The following C12orf75 variants were observed in gnomAD, a reference collection of about 807,000 sequenced individuals.
The protein encoded by C12orf75 is overexpressed in colon carcinoma 1 protein.
A neutral mutation model predicts 11.4 loss-of-function variants in C12orf75; 4 were observed. That is an observed-to-expected ratio of 0.35 (90% CI 0.17 to 0.80). The LOEUF (loss-of-function observed/expected upper bound fraction) is 0.80. C12orf75 is among the 30% of genes least tolerant of loss of function. The pLI, the probability that C12orf75 is intolerant of heterozygous loss-of-function variation, is 0.52. For synonymous variants in C12orf75, 30 were observed against 30.0 expected (o/e 1.00, Z 0.00); for missense variants, 89 against 80.4 (o/e 1.11, Z -0.41).
chr12:105,339,081 C>T (rs1892533517), intron 1 of C12orf75, among the ~76,000 whole-genome samples: 1 of 152,030 alleles, frequency 6.6e-6, no homozygotes, highest in Non-Finnish European at 1.5e-5. Context: ...TTTTATTGCA[C>T]TCTGAAAAAT....
chr12:105,339,828 G>A (rs972673860), intron 1 of C12orf75, among the ~76,000 whole-genome samples: 13 of 151,834 alleles, frequency 8.6e-5, no homozygotes, highest in Non-Finnish European at 1.5e-4. Flanking sequence ...GTGTTAGCTA[G>A]CTAGGATGGT....
At chr12:105,347,589 G>T (rs1892655616) in intron 1 of C12orf75, among the ~76,000 whole-genome samples, 1 of 152,186 alleles carries the variant, frequency 6.6e-6, no homozygotes, top group African/African-American at 2.4e-5. Flanking sequence ...ACCTTCTTCT[G>T]CCTGCTTTAT....
chr12:105,346,915 G>A (rs1331501610), intron 1 of C12orf75, among the ~76,000 whole-genome samples: 1 of 152,176 alleles, frequency 6.6e-6, no homozygotes, highest in Non-Finnish European at 1.5e-5. Context: ...TATTAAGTGT[G>A]ACGTCTAATA....
intron 1 of C12orf75, among the ~76,000 whole-genome samples, chr12:105,347,096 A>G (rs1892650290): frequency 6.6e-6 from 1 of 152,240 alleles, no homozygotes; most frequent in Admixed American, 6.5e-5. Flanking sequence ...TTAATACCAT[A>G]TATCTTGTAG....
intron 1 of C12orf75, among the ~76,000 whole-genome samples, chr12:105,335,625 C>A (rs978976022): frequency 6.6e-6 from 1 of 151,978 alleles, no homozygotes; most frequent in Non-Finnish European, 1.5e-5. Flanking sequence ...ATTTTGTTTA[C>A]GGCTGTATCC....
intron 1 of C12orf75, among the ~76,000 whole-genome samples, chr12:105,343,897 T>C (rs1047425151): frequency 6.6e-6 from 1 of 152,144 alleles, no homozygotes; most frequent in Non-Finnish European, 1.5e-5. Context: ...TCTTGGAGTG[T>C]TTCTGACTTC....
At chr12:105,331,674 T>G (rs562338212) in intron 1 of C12orf75, among the ~76,000 whole-genome samples, 64 of 152,092 alleles carry the variant, frequency 4.2e-4, no homozygotes, top group Non-Finnish European at 8.4e-4. Flanking sequence ...AGGCAAGGTC[T>G]TCTAGCTTCC....
intron 1 of C12orf75, among the ~76,000 whole-genome samples, chr12:105,344,477 T>C (rs977324744): frequency 6.6e-6 from 1 of 152,172 alleles, no homozygotes; most frequent in African/African-American, 2.4e-5. Flanking sequence ...GTGTAGTGGC[T>C]CACATCTGTA....
chr12:105,366,768 T>C, intron 4 of C12orf75, 72 bp downstream of exon 4: 1 of 918,710 alleles, frequency 1.1e-6, no homozygotes, highest in Middle Eastern at 2.1e-4. Context: ...GCATGAAATT[T>C]ATATTTCAGC....
chr12:105,359,595 A>AC (rs1176840883), intron 2 of C12orf75, among the ~76,000 whole-genome samples: 3 of 151,800 alleles, frequency 2.0e-5, no homozygotes, highest in East Asian at 1.9e-4. Flanking sequence ...ACATGGTGAG[A>AC]CCCCGTCTGT....
intron 4 of C12orf75, 53 bp from the exon 5 acceptor site, chr12:105,367,419 G>A (rs1592886443): frequency 1.6e-6 from 1 of 644,392 alleles, no homozygotes; most frequent in East Asian, 3.1e-5. Context: ...TAGAAAATTA[G>A]AATATGCTAT....
chr12:105,358,917 G>A (rs960445119), intron 2 of C12orf75, among the ~76,000 whole-genome samples: 5 of 152,132 alleles, frequency 3.3e-5, no homozygotes, highest in African/African-American at 9.7e-5. Context: ...GCTGTAAAGC[G>A]GATGATGTTT....
chr12:105,362,749 T>C (rs1892890426), intron 2 of C12orf75, among the ~76,000 whole-genome samples: 1 of 151,774 alleles, frequency 6.6e-6, no homozygotes, highest in Non-Finnish European at 1.5e-5. Flanking sequence ...GGGCCTACAG[T>C]GTATGAAGCA....
intron 2 of C12orf75, among the ~76,000 whole-genome samples, chr12:105,357,727 T>G (rs1404028687): frequency 1.3e-5 from 2 of 151,862 alleles, no homozygotes; most frequent in Non-Finnish European, 2.9e-5. Flanking sequence ...AAGCTACATT[T>G]TTTTGCTAAC....
intron 2 of C12orf75, among the ~76,000 whole-genome samples, chr12:105,356,303 A>T (rs1173995462): frequency 6.6e-6 from 1 of 152,170 alleles, no homozygotes; most frequent in Non-Finnish European, 1.5e-5. Flanking sequence ...GAAGGTTATC[A>T]TGAATGGTAA....
chr12:105,340,173 C>A (rs898173876), intron 1 of C12orf75, among the ~76,000 whole-genome samples: 2 of 151,960 alleles, frequency 1.3e-5, no homozygotes, highest in African/African-American at 4.8e-5. Context: ...CGCCTGTAAT[C>A]CCAGCACTTT....
At chr12:105,347,338 A>C (rs1253069315) in intron 1 of C12orf75, among the ~76,000 whole-genome samples, 1 of 152,240 alleles carries the variant, frequency 6.6e-6, no homozygotes, top group Non-Finnish European at 1.5e-5. Flanking sequence ...GAAGTTTCAC[A>C]ATAGGCCGTC....
At chr12:105,331,341 C>T (rs1053892297) in intron 1 of C12orf75, among the ~76,000 whole-genome samples, 1 of 151,982 alleles carries the variant, frequency 6.6e-6, no homozygotes, top group African/African-American at 2.4e-5. Flanking sequence ...AGGCGCTGCA[C>T]CTGGAAAAGT....
At chr12:105,369,755 C>A (rs1489391491) in intron 5 of C12orf75, among the ~76,000 whole-genome samples, 1 of 152,180 alleles carries the variant, frequency 6.6e-6, no homozygotes, top group East Asian at 1.9e-4. Context: ...CTTTCTGTAG[C>A]CTCCTTTGAA....
Sources: allele counts gnomAD v4.1 joint callset (sites outside exome capture counted in the v4.1 genomes callset), GRCh38; gene constraint gnomAD v4.1.1; transcripts MANE v1.5; gene names NCBI Gene and HGNC (gene_info 2026-07-23, HGNC 2026-07-21).